Variants in DOP1B observed in about 807,000 individuals in gnomAD.
The protein encoded by DOP1B is DOP1 leucine zipper like protein B.
Under a neutral mutation model 233.5 loss-of-function variants are expected in DOP1B, and 174 were observed. That is an observed-to-expected ratio of 0.75 (90% CI 0.66 to 0.85). DOP1B has a LOEUF of 0.85. Among genes scored for constraint, DOP1B ranks in the 40% least tolerant of loss-of-function variants. The pLI, the probability that DOP1B is intolerant of heterozygous loss-of-function variation, is 0.00. For missense variants in DOP1B, 2,652 were observed against 2,846.6 expected, an observed-to-expected ratio of 0.93 and a Z score of 1.56; for synonymous variants, 1,190 against 1,185.6, an observed-to-expected ratio of 1.00 and a Z score of -0.08.
At chr21:36,238,530 G>A in intron 16 of DOP1B, 71 bp from the exon 17 acceptor site, 2 of 1,303,154 alleles carry the variant, frequency 1.5e-6, no homozygotes, top group Non-Finnish European at 1.1e-6. Flanking sequence ...TTTAAATGGG[G>A]TTTATGGTGA....
chr21:36,290,376 TTA>T (rs2067541936), intron 35 of DOP1B, among the ~76,000 whole-genome samples: 1 of 151,802 alleles, frequency 6.6e-6, no homozygotes, highest in African/African-American at 2.4e-5. Flanking sequence ...AACACAAAAA[TTA>T]GGCCAGGTAC....
At chr21:36,262,920 T>TAAAATA (rs148362831) in intron 24 of DOP1B, among the ~76,000 whole-genome samples, 34 of 144,236 alleles carry the variant, frequency 2.4e-4, no homozygotes, top group Middle Eastern at 7.5e-3. Context: ...AATAAATAAA[T>TAAAATA]AAATAAAATA....
intron 2 of DOP1B, among the ~76,000 whole-genome samples, chr21:36,183,749 C>T (rs925160941): frequency 5.9e-5 from 9 of 152,220 alleles, no homozygotes; most frequent in African/African-American, 1.9e-4. Flanking sequence ...TTCTGAGTGC[C>T]CGGGACAGAG....
chr21:36,278,289 G>A lies in DOP1B; in HGVS notation c.5903G>A (p.Trp1968Ter). 1 of 1,614,116 alleles carries A rather than the reference G, an allele frequency of 6.2e-7. No individual in the cohort carries two copies. Among genetic ancestry groups the A allele is most frequent in the Non-Finnish European group, 8.5e-7 (1 of 1,180,044 alleles). ...GGCTATGCCTACACAAAGCGAGCCT[G>A]GAGGAAGGAGGTCCTGGAGCTGTTT... ...LSGYAYTKRA[W>*]RKEVLELFLD... Residue 1968 changes from tryptophan to a stop codon, truncating the protein, a stop_gained, in exon 30 of 37, where the codon TGG (tryptophan) becomes TAG (stop). Coordinates refer to ENST00000691173, the MANE Select transcript of DOP1B (RefSeq NM_001320714.2). LOFTEE classifies it high-confidence loss of function.
At chr21:36,238,869 G>A (rs551094412) in intron 17 of DOP1B, among the ~76,000 whole-genome samples, 168 bp downstream of exon 17, 26 of 152,290 alleles carry the variant, frequency 1.7e-4, no homozygotes, top group African/African-American at 5.3e-4. Flanking sequence ...TTGGGAAGCC[G>A]AGGCGGGCAG....
At chr21:36,235,569 A>T (rs751402832) in intron 15 of DOP1B, among the ~76,000 whole-genome samples, 2 of 152,042 alleles carry the variant, frequency 1.3e-5, no homozygotes, top group African/African-American at 4.8e-5. Flanking sequence ...AAAAAAAAAA[A>T]ATACAAAAAT....
In DOP1B at chr21:36,219,606, G is replaced by A. The variant is rs1022383685; in HGVS notation, c.1250+114G>A. ...AAGTGGTAGAGAAAGCAGAGATGCAGCAGGTGAGACCATTGGTGAAAATAA... is the reference window on the plus strand; with the variant it reads ...AAGTGGTAGAGAAAGCAGAGATGCAACAGGTGAGACCATTGGTGAAAATAA... On this transcript the variant is annotated intron_variant, in intron 10 of 36. Transcript: ENST00000691173. 3.5e-6 allele frequency: 5 copies of A among 1,425,760 alleles called. No homozygotes were observed. The Admixed American group carries it at 8.6e-5, about 24-fold the overall frequency. 88.3% of individuals were successfully genotyped at this position (1,425,760 alleles called of 1,614,324 possible).
chr21:36,287,988 A>G (rs1274028978), intron 32 of DOP1B, 26 bp from the exon 33 acceptor site: 1 of 1,604,934 alleles, frequency 6.2e-7, no homozygotes, highest in South Asian at 1.1e-5. Flanking sequence ...TATTTGTGTA[A>G]CATCTTTACA....
intron 2 of DOP1B, chr21:36,170,139 G>A: frequency 1.9e-6 from 1 of 533,584 alleles, no homozygotes; most frequent in South Asian, 1.9e-5. Context: ...GCAGGAAGCA[G>A]AGGGACCCAT....
chr21:36,264,128 A>T (rs79810491), intron 26 of DOP1B, among the ~76,000 whole-genome samples: 5,699 of 152,300 alleles, frequency 0.037, 116 homozygotes, highest in African/African-American at 0.042. Context: ...GGAATAAGAA[A>T]TCTTATTTCC....
chr21:36,169,150 C>T (rs2065945540), intron 2 of DOP1B: 4 of 950,054 alleles, frequency 4.2e-6, no homozygotes, highest in Non-Finnish European at 6.8e-6. Context: ...AGAGAATGAG[C>T]ACTCGCTTCT....
At chr21:36,201,285 C>CCAGTCG (rs2066362243) in intron 4 of DOP1B, among the ~76,000 whole-genome samples, 1 of 151,522 alleles carries the variant, frequency 6.6e-6, no homozygotes, top group Non-Finnish European at 1.5e-5. Flanking sequence ...AGAAGGTTTC[C>CCAGTCG]CAGTCGCACA....
At chr21:36,252,548 C>CT (rs896307020) in intron 22 of DOP1B, among the ~76,000 whole-genome samples, 326 of 139,188 alleles carry the variant, frequency 2.3e-3, no homozygotes, top group South Asian at 3.9e-3. Context: ...AAGATAATTT[C>CT]TTTTTTTTTT....
chr21:36,278,118 A>T (rs749328264), intron 29 of DOP1B, 34 bp downstream of exon 29: 13 of 1,612,790 alleles, frequency 8.1e-6, no homozygotes, highest in Non-Finnish European at 1.1e-5. Flanking sequence ...TCCCACCCAT[A>T]TGCAGAAAAA....
chr21:36,200,163 T>C (rs373281315), intron 3 of DOP1B, among the ~76,000 whole-genome samples, 168 bp from the exon 4 acceptor site: 11 of 152,310 alleles, frequency 7.2e-5, no homozygotes, highest in African/African-American at 2.2e-4. Flanking sequence ...TGCTGGCTTG[T>C]TACGTAACAG....
chr21:36,206,907 C>A (rs187161483), intron 4 of DOP1B, among the ~76,000 whole-genome samples: 207 of 152,272 alleles, frequency 1.4e-3, no homozygotes, highest in African/African-American at 4.8e-3. Context: ...TCTAAGAAGA[C>A]GGTACCATGC....
chr21:36,280,732 G>A (rs557316680), intron 31 of DOP1B, among the ~76,000 whole-genome samples: 17 of 152,044 alleles, frequency 1.1e-4, no homozygotes, highest in African/African-American at 4.1e-4. Flanking sequence ...GGCTGGGCAC[G>A]GTGGCTCACG....
At chr21:36,195,737 C>G (rs376125499) in intron 2 of DOP1B, among the ~76,000 whole-genome samples, 1 of 152,150 alleles carries the variant, frequency 6.6e-6, no homozygotes, top group African/African-American at 2.4e-5. Flanking sequence ...CTTGCAATTG[C>G]GTTCATATGA....
chr21:36,212,902 C>G (rs1284435430), intron 7 of DOP1B, among the ~76,000 whole-genome samples: 1 of 152,206 alleles, frequency 6.6e-6, no homozygotes, highest in South Asian at 2.1e-4. Context: ...CTGCCTCAGC[C>G]TCCCAAGTAG....
Sources: gnomAD v4.1 joint callset for allele counts (sites outside exome capture counted in the v4.1 genomes callset) on GRCh38, gnomAD v4.1.1 for gene constraint, MANE v1.5 for transcripts, NCBI Gene and HGNC (gene_info 2026-07-23, HGNC 2026-07-21) for gene names.